The following SAMD5 variants were observed in gnomAD, a reference collection of about 807,000 sequenced individuals.
SAMD5 encodes the protein sterile alpha motif domain-containing protein 5.
Under a neutral mutation model 11.3 loss-of-function variants are expected in SAMD5, and 13 were observed. The ratio of observed to expected loss-of-function variants is 1.15; its 90% CI spans 0.75 to 1.83. SAMD5 has a LOEUF of 1.83. Ranked by LOEUF, SAMD5 falls within the 40% of genes most tolerant of loss-of-function variation. The pLI is 0.00. For missense variants in SAMD5, 255 were observed against 239.1 expected, an observed-to-expected ratio of 1.07 and a Z score of -0.44; for synonymous variants, 129 against 111.3, an observed-to-expected ratio of 1.16 and a Z score of -1.00.
At chr6:147,734,455 G>A (rs1369334385) in intron 1 of SAMD5, among the ~76,000 whole-genome samples, 1 of 151,972 alleles carries the variant, frequency 6.6e-6, no homozygotes, top group East Asian at 1.9e-4. Flanking sequence ...GGTGGCTCAC[G>A]CCTGTAATCC....
chr6:147,899,170 CAAA>C, the SAMD5 span, among the ~76,000 whole-genome samples: 152 of 62,590 alleles, frequency 2.4e-3, no homozygotes, highest in African/African-American at 7.6e-3. Context: ...GACTCTGTCT[CAAA>C]AAAAAAAAAA....
At chr6:147,947,593 G>A in the SAMD5 span, 12,521 of 152,212 alleles carry the variant, frequency 0.082, 650 homozygotes, top group Non-Finnish European at 0.12. Context: ...GAACCAAAAG[G>A]CAAACCAGAA....
the SAMD5 span, among the ~76,000 whole-genome samples, chr6:147,909,635 T>TCC: frequency 1.4e-4 from 15 of 108,212 alleles, no homozygotes; most frequent in South Asian, 9.2e-4. Context: ...TTTCTTTCTC[T>TCC]TTCTTGTCTT....
intron 1 of SAMD5, among the ~76,000 whole-genome samples, chr6:147,712,969 A>T (rs1003768134): frequency 6.6e-6 from 1 of 152,242 alleles, no homozygotes; most frequent in Non-Finnish European, 1.5e-5. Context: ...ACCATCGGGA[A>T]TGCAAAGCAT....
At chr6:147,790,049 G>T in the SAMD5 span, among the ~76,000 whole-genome samples, 2 of 152,154 alleles carry the variant, frequency 1.3e-5, no homozygotes, top group African/African-American at 2.4e-5. Flanking sequence ...GAGAGTAGCC[G>T]TATGATCCAG....
intron 1 of SAMD5, among the ~76,000 whole-genome samples, chr6:147,629,481 A>T (rs1790108185): frequency 6.6e-6 from 1 of 152,212 alleles, no homozygotes; most frequent in Non-Finnish European, 1.5e-5. Flanking sequence ...TCATAAAACC[A>T]ATACATATAA....
At chr6:147,521,042 A>G (rs1453881428) in intron 1 of SAMD5, among the ~76,000 whole-genome samples, 3 of 152,130 alleles carry the variant, frequency 2.0e-5, no homozygotes, top group Non-Finnish European at 4.4e-5. Flanking sequence ...AATGATTTTA[A>G]TCCTAATACA....
intron 1 of SAMD5, among the ~76,000 whole-genome samples, chr6:147,684,096 C>T (rs62436332): frequency 0.035 from 5,374 of 152,094 alleles, 111 homozygotes; most frequent in South Asian, 0.057. Context: ...ATCCCAGAAG[C>T]CCCTGCTTGG....
chr6:147,859,171 T>C, the SAMD5 span, among the ~76,000 whole-genome samples: 1 of 151,508 alleles, frequency 6.6e-6, no homozygotes, highest in Non-Finnish European at 1.5e-5. Context: ...TGCTTCCATG[T>C]CCCCAAGTGG....
chr6:147,870,521 T>C, the SAMD5 span, among the ~76,000 whole-genome samples: 1 of 151,348 alleles, frequency 6.6e-6, no homozygotes, highest in Non-Finnish European at 1.5e-5. Context: ...TACAGCATCA[T>C]AATTATGTCT....
intron 1 of SAMD5, among the ~76,000 whole-genome samples, chr6:147,544,052 G>A (rs1788648600): frequency 6.6e-6 from 1 of 152,134 alleles, no homozygotes; most frequent in African/African-American, 2.4e-5. Context: ...ACTTCCTAAG[G>A]TGGCATAACA....
At chr6:147,841,765 G>A in the SAMD5 span, among the ~76,000 whole-genome samples, 1 of 152,162 alleles carries the variant, frequency 6.6e-6, no homozygotes, top group Non-Finnish European at 1.5e-5. Context: ...TTCAGGGTGA[G>A]AGCTGGGGAG....
intron 1 of SAMD5, among the ~76,000 whole-genome samples, chr6:147,736,290 G>A (rs1170722462): frequency 1.3e-5 from 2 of 152,186 alleles, no homozygotes; most frequent in African/African-American, 2.4e-5. Context: ...TATGTGTGAA[G>A]TGTTTGCTGT....
chr6:147,622,161 C>T (rs1304318162), intron 1 of SAMD5, among the ~76,000 whole-genome samples: 1 of 152,098 alleles, frequency 6.6e-6, no homozygotes, highest in African/African-American at 2.4e-5. Context: ...GGAATTGGTT[C>T]CAGGACCCCC....
intron 1 of SAMD5, among the ~76,000 whole-genome samples, chr6:147,714,755 A>G (rs1791443331): frequency 6.6e-6 from 1 of 152,038 alleles, no homozygotes; most frequent in Admixed American, 6.5e-5. Context: ...AGATTCCTGG[A>G]CTCTATTCTT....
At chr6:147,907,843 T>A in the SAMD5 span, among the ~76,000 whole-genome samples, 1 of 152,142 alleles carries the variant, frequency 6.6e-6, no homozygotes, top group Non-Finnish European at 1.5e-5. Context: ...TGTAATGATA[T>A]TTTTTTACCT....
At chr6:147,699,656 G>C (rs1049578690) in intron 1 of SAMD5, among the ~76,000 whole-genome samples, 1 of 152,180 alleles carries the variant, frequency 6.6e-6, no homozygotes, top group African/African-American at 2.4e-5. Context: ...AGAGGAGATA[G>C]TCCACATGAA....
At chr6:147,853,999 T>C in the SAMD5 span, among the ~76,000 whole-genome samples, 1 of 152,214 alleles carries the variant, frequency 6.6e-6, no homozygotes, top group Non-Finnish European at 1.5e-5. Flanking sequence ...GAAACTATTA[T>C]GCACCACACA....
chr6:147,547,584 T>C (rs987400807), intron 1 of SAMD5, among the ~76,000 whole-genome samples: 3 of 152,232 alleles, frequency 2.0e-5, no homozygotes, highest in African/African-American at 7.2e-5. Flanking sequence ...TTCTCTGACT[T>C]ATTATTTTCC....
Sources: gnomAD v4.1 joint callset for allele counts (sites outside exome capture counted in the v4.1 genomes callset) on GRCh38, gnomAD v4.1.1 for gene constraint, MANE v1.5 for transcripts, NCBI Gene and HGNC (gene_info 2026-07-23, HGNC 2026-07-21) for gene names.